The following DGLUCY variants were observed in gnomAD, a reference collection of about 807,000 sequenced individuals.
DGLUCY encodes the protein D-glutamate cyclase.
Under a neutral mutation model 58.5 loss-of-function variants are expected in DGLUCY, and 58 were observed. That is an observed-to-expected ratio of 0.99 (90% CI 0.80 to 1.23). DGLUCY has a LOEUF of 1.23. Among genes scored for constraint, DGLUCY ranks in the 50% most tolerant of loss-of-function variants. The pLI is 0.00. For synonymous variants in DGLUCY, 325 were observed against 314.1 expected, an observed-to-expected ratio of 1.03 and a Z score of -0.37; for missense variants, 779 against 784.7, an observed-to-expected ratio of 0.99 and a Z score of 0.09.
At chr14:91,145,557 G>A (rs1415189022) in intron 1 of DGLUCY, among the ~76,000 whole-genome samples, 3 of 152,106 alleles carry the variant, frequency 2.0e-5, no homozygotes, top group Non-Finnish European at 2.9e-5. Flanking sequence ...AGGAAGTCAC[G>A]CCTAGGAGAA....
chr14:91,096,834 T>G (rs543254151), intron 1 of DGLUCY, among the ~76,000 whole-genome samples: 1 of 150,914 alleles, frequency 6.6e-6, no homozygotes, highest in East Asian at 1.9e-4. Context: ...TGAGAGGGAG[T>G]GGGTCAGCTG....
At chr14:91,078,876 T>TTTATTTATTTA (rs2044075472) in intron 1 of DGLUCY, among the ~76,000 whole-genome samples, 4 of 136,754 alleles carry the variant, frequency 2.9e-5, no homozygotes, top group African/African-American at 1.1e-4. Context: ...TATTTTTAAT[T>TTTATTTATTTA]TTTATTTATT....
At chr14:91,224,369 G>A (rs946101960) in intron 13 of DGLUCY, among the ~76,000 whole-genome samples, 39 of 152,186 alleles carry the variant, frequency 2.6e-4, no homozygotes, top group African/African-American at 9.2e-4. Flanking sequence ...CTCTAAAAAC[G>A]GACAATCAAA....
At chr14:91,166,652 G>T (rs936866478) in intron 3 of DGLUCY, among the ~76,000 whole-genome samples, 1 of 150,722 alleles carries the variant, frequency 6.6e-6, no homozygotes, top group Non-Finnish European at 1.5e-5. Flanking sequence ...GTGACAAAGC[G>T]AGACTCTGTC....
intron 11 of DGLUCY, among the ~76,000 whole-genome samples, chr14:91,204,450 A>G (rs760303385): frequency 1.3e-5 from 2 of 152,186 alleles, no homozygotes; most frequent in Non-Finnish European, 2.9e-5. Flanking sequence ...AACGTGCTCC[A>G]TCTTTGCTGG....
At chr14:91,066,153 G>A (rs1231504113) in intron 1 of DGLUCY, among the ~76,000 whole-genome samples, 1 of 152,154 alleles carries the variant, frequency 6.6e-6, no homozygotes, top group Non-Finnish European at 1.5e-5. Context: ...CAAGGCAGGA[G>A]GATCACCTGA....
chr14:91,150,967 A>G (rs1423666942), intron 1 of DGLUCY, among the ~76,000 whole-genome samples: 3 of 151,540 alleles, frequency 2.0e-5, no homozygotes, highest in Non-Finnish European at 4.4e-5. Context: ...CCCATTCCCC[A>G]CCCCATCTCC....
chr14:91,198,947 T>G (rs146692312), intron 10 of DGLUCY, among the ~76,000 whole-genome samples: 1,651 of 152,326 alleles, frequency 0.011, 103 homozygotes, highest in Admixed American at 0.099. Flanking sequence ...TTCTGACCAC[T>G]ATACCATCTG....
intron 1 of DGLUCY, among the ~76,000 whole-genome samples, chr14:91,139,108 A>C (rs1044539932): frequency 1.3e-5 from 2 of 152,178 alleles, no homozygotes; most frequent in Non-Finnish European, 2.9e-5. Context: ...AAGTTCCACT[A>C]TCTGCCATCT....
intron 1 of DGLUCY, among the ~76,000 whole-genome samples, chr14:91,121,643 A>AATG (rs1308608467): frequency 1.3e-5 from 2 of 148,576 alleles, no homozygotes; most frequent in African/African-American, 4.9e-5. Context: ...TAATAATAAT[A>AATG]ATAATAATAA....
upstream of DGLUCY, among the ~76,000 whole-genome samples, chr14:91,113,516 G>A (rs1030845614): frequency 6.6e-6 from 1 of 152,136 alleles, no homozygotes; most frequent in Non-Finnish European, 1.5e-5. Context: ...TCAGTCAATC[G>A]TCAGAGCAGC....
upstream of DGLUCY, among the ~76,000 whole-genome samples, chr14:91,112,389 G>C (rs1340468915): frequency 2.0e-5 from 3 of 152,116 alleles, no homozygotes; most frequent in African/African-American, 7.2e-5. Context: ...ACACCAAACA[G>C]AGCAACTTAG....
chr14:91,143,937 A>G (rs1167126829), intron 1 of DGLUCY, among the ~76,000 whole-genome samples: 1 of 152,082 alleles, frequency 6.6e-6, no homozygotes, highest in Non-Finnish European at 1.5e-5. Flanking sequence ...ATTAAACCTA[A>G]AGGCCTTGTC....
chr14:91,225,013 G>A lies in DGLUCY; in HGVS notation c.*180G>A, dbSNP rs1302873596. On this transcript the variant is annotated 3_prime_UTR_variant, in exon 14 of 14. Coordinates refer to ENST00000256324, the MANE Select transcript of DGLUCY (RefSeq NM_001102368.3). ...TGGGAGGGGTTAGTGCAGGTGCTGT[G>A]GACAAAGGACAACATTTCTCTGGGG... 2 of 540,334 alleles carry A rather than the reference G, an allele frequency of 3.7e-6. No homozygotes were observed. Among genetic ancestry groups the A allele is most frequent in the Admixed American group, 3.9e-5 (1 of 25,486 alleles). 33.5% of individuals were successfully genotyped at this position (540,334 alleles called of 1,614,324 possible). A position where few individuals can be genotyped will look rare whatever the true frequency, so the allele number is the denominator to read the frequency against.
At chr14:91,104,354 G>A (rs1281402923), upstream of DGLUCY, among the ~76,000 whole-genome samples, 2 of 151,988 alleles carry the variant, frequency 1.3e-5, no homozygotes, top group Non-Finnish European at 2.9e-5. Flanking sequence ...GAGCCACCGC[G>A]CCCGGCCGAG....
At chr14:91,187,897 A>ACCTCCCACTGAAATACTTGTGCCCAGGT (rs2049620378) in intron 8 of DGLUCY, among the ~76,000 whole-genome samples, 1 of 150,972 alleles carries the variant, frequency 6.6e-6, no homozygotes, top group African/African-American at 2.4e-5. Context: ...TCCTGGGATC[A>ACCTCCCACTGAAATACTTGTGCCCAGGT]CCTCCCACTG....
intron 1 of DGLUCY, among the ~76,000 whole-genome samples, chr14:91,102,261 A>G (rs1239401353): frequency 6.6e-6 from 1 of 152,180 alleles, no homozygotes; most frequent in African/African-American, 2.4e-5. Context: ...TGAAGTGATC[A>G]GTGTTCAAGG....
chr14:91,148,984 A>ATACCTG (rs748490565), intron 1 of DGLUCY: 3 of 152,060 alleles, frequency 2.0e-5, no homozygotes, highest in Non-Finnish European at 4.4e-5. Flanking sequence ...GCGGTGGCTC[A>ATACCTG]TACCTGTAAT....
chr14:91,130,646 G>T (rs555132830), intron 1 of DGLUCY, among the ~76,000 whole-genome samples: 3 of 151,632 alleles, frequency 2.0e-5, no homozygotes, highest in Non-Finnish European at 4.4e-5. Flanking sequence ...TTGAGACAAG[G>T]TCTTATTCTG....
Sources: allele counts gnomAD v4.1 joint callset (sites outside exome capture counted in the v4.1 genomes callset), GRCh38; gene constraint gnomAD v4.1.1; transcripts MANE v1.5; gene names NCBI Gene and HGNC (gene_info 2026-07-23, HGNC 2026-07-21).